Variants in DTNA observed in about 807,000 individuals in gnomAD.
The protein encoded by DTNA is dystrophin-related protein 3.
DTNA carries 43 observed loss-of-function variants against 100.7 expected under a neutral mutation model. That is an observed-to-expected ratio of 0.43 (90% confidence interval 0.33 to 0.55). The LOEUF is 0.55. DTNA is among the 20% of genes least tolerant of loss of function. The pLI, the probability that DTNA is intolerant of heterozygous loss-of-function variation, is 0.04. For synonymous variants in DTNA, 349 were observed against 347.9 expected (o/e 1.00, Z -0.04); for missense variants, 798 against 953.9 (o/e 0.84, Z 2.15).
At chr18:34,675,975 G>C (rs1163738042) in intron 1 of DTNA, among the ~76,000 whole-genome samples, 1 of 152,108 alleles carries the variant, frequency 6.6e-6, no homozygotes, top group African/African-American at 2.4e-5. Context: ...ATAAACAATA[G>C]AGAGTGAGTA....
chr18:34,829,291 G>C lies in DTNA; in HGVS notation c.1086-109G>C, dbSNP rs867687699. ...GAGATTGGCCTACGGTTTCTGTTTT[G>C]AGGGTGCTGTTCAATAAAGCTGTGT... On this transcript the variant is annotated intron_variant, in intron 10 of 22. Coordinates refer to ENST00000444659, the MANE Select transcript of DTNA (RefSeq NM_001386795.1). 7.9e-6 allele frequency: 12 copies of C among 1,521,016 alleles called. No individual in the cohort carries two copies. In the South Asian group the frequency reaches 1.3e-4, roughly 17 times the overall value. 94.2% of individuals were successfully genotyped at this position (1,521,016 alleles called of 1,614,324 possible). A position where few individuals can be genotyped will look rare whatever the true frequency, so the allele number is the denominator to read the frequency against.
intron 1 of DTNA, among the ~76,000 whole-genome samples, chr18:34,601,415 G>C (rs1301090142): frequency 6.6e-6 from 1 of 152,100 alleles, no homozygotes; most frequent in East Asian, 1.9e-4. Context: ...TTTCCATACT[G>C]GCCCTGTTTT....
chr18:34,539,997 C>T (rs2044093009), intron 1 of DTNA, among the ~76,000 whole-genome samples: 2 of 151,722 alleles, frequency 1.3e-5, no homozygotes, highest in Non-Finnish European at 2.9e-5. Flanking sequence ...TAATTAAACA[C>T]AATACTAAAC....
rs1453497165 is a variant in DTNA at position 34,848,403 on chromosome 18, G to T, written c.1434+20G>T. 2 of 1,612,914 alleles carry T rather than the reference G, an allele frequency of 1.2e-6. No homozygotes were observed. Among genetic ancestry groups the T allele is most frequent in the Non-Finnish European group, 1.7e-6 (2 of 1,179,188 alleles). ...TCGTCTGTAAGTAGTTGGAGTAAAA[G>T]GATTCGTCTGTTGGCATCTGGGATC... On this transcript the variant is annotated intron_variant, in intron 14 of 22. Coordinates refer to ENST00000444659, the MANE Select transcript of DTNA (RefSeq NM_001386795.1).
chr18:34,804,249 TACA>T lies in DTNA; in HGVS notation c.363-1963_363-1961del, dbSNP rs569085077. ...TGAACAGTTTGACCATGGTGTGCAG[TACA>T]ACAACAGAAATGGTAGCAGAGGAGA... On this transcript the variant is annotated intron_variant, in intron 4 of 22. Transcript: ENST00000444659. Among the ~76,000 whole-genome samples, 25 of 152,248 alleles carry T rather than the reference TACA, an allele frequency of 1.6e-4. 1 individual carries two copies. The South Asian group carries it at 4.6e-3, about 28-fold the overall frequency.
chr18:34,796,936 C>G (rs564335821), intron 4 of DTNA, among the ~76,000 whole-genome samples: 1 of 152,112 alleles, frequency 6.6e-6, no homozygotes, highest in Admixed American at 6.5e-5. Context: ...CATTCCCTCT[C>G]CCACCAAAAA....
At chr18:34,800,844 A>G (rs182625131) in intron 4 of DTNA, among the ~76,000 whole-genome samples, 131 of 152,296 alleles carry the variant, frequency 8.6e-4, no homozygotes, top group South Asian at 4.1e-4. Flanking sequence ...ATCAATATCT[A>G]TTTGTTGTTT....
At chr18:34,581,694 C>T (rs1437532934) in intron 1 of DTNA, among the ~76,000 whole-genome samples, 4 of 148,288 alleles carry the variant, frequency 2.7e-5, no homozygotes, top group Non-Finnish European at 5.9e-5. Flanking sequence ...GATCTCGGCT[C>T]ACTGCACCCT....
chr18:34,541,995 G>A (rs2044290081), intron 1 of DTNA, among the ~76,000 whole-genome samples: 1 of 152,068 alleles, frequency 6.6e-6, no homozygotes, highest in African/African-American at 2.4e-5. Context: ...GGAACAGGGA[G>A]ACTCCAGGGG....
chr18:34,786,694 A>T (rs2094522062), intron 3 of DTNA, among the ~76,000 whole-genome samples: 1 of 152,166 alleles, frequency 6.6e-6, no homozygotes, highest in Non-Finnish European at 1.5e-5. Flanking sequence ...ATAGCAGATC[A>T]ACAGATTATA....
Position 34,858,350 on chromosome 18 carries a change from A to T in DTNA, c.1598A>T (p.Glu533Val), listed in dbSNP as rs546897344. The T allele has an allele frequency of 6.2e-7, 1 of 1,614,200 alleles. No individual in the cohort carries two copies. Among genetic ancestry groups the T allele is most frequent in the South Asian group, 1.1e-5 (1 of 91,084 alleles). The change falls in exon 16 of 23, where the codon GAG becomes GTG. Residue 533 changes from glutamate to valine, a missense_variant. Transcript: ENST00000444659. ...EHEQASQPTP[E>V]KAQQNPTLLA... ...GAACAAGCTTCTCAGCCCACGCCAG[A>T]GAAGGCACAGCAAAACCCCACCCTG... is the stretch of plus-strand genomic sequence containing the variant.
At chr18:34,847,700 A>G (rs1368821408) in intron 13 of DTNA, among the ~76,000 whole-genome samples, 1 of 152,210 alleles carries the variant, frequency 6.6e-6, no homozygotes, top group Admixed American at 6.5e-5. Context: ...CAAACAGACC[A>G]AGAGAGCTAA....
At chr18:34,742,185 A>G (rs2090769682) in intron 1 of DTNA, among the ~76,000 whole-genome samples, 1 of 152,150 alleles carries the variant, frequency 6.6e-6, no homozygotes, top group Admixed American at 6.5e-5. Flanking sequence ...TGATCTTGTG[A>G]AAGTTTCTTA....
chr18:34,718,994 T>A (rs1445939066), intron 1 of DTNA, among the ~76,000 whole-genome samples: 1 of 152,170 alleles, frequency 6.6e-6, no homozygotes, highest in African/African-American at 2.4e-5. Flanking sequence ...TAACCCTTTT[T>A]TTTTGGAGAA....
rs577691577 is a variant in DTNA, at chr18:34,867,629, G to C, written c.1743+3567G>C. ...ATAACCTCCCTCCTCCTAGCAGAGA[G>C]AGAGGGCAATCATCCTGTCGTCATC... On this transcript the variant is annotated intron_variant, in intron 17 of 22. Coordinates refer to ENST00000444659, the MANE Select transcript of DTNA (RefSeq NM_001386795.1). The C allele has an allele frequency of 9.4e-4, 943 of 998,698 alleles. 2 individuals carry two copies. The highest frequency in any genetic ancestry group is 1.1e-3 in the Non-Finnish European group (926 of 838,958). The allele number at this position is 998,698 out of a possible 1,614,324, so 61.9% of individuals were successfully genotyped here.
chr18:34,802,567 C>T lies in DTNA; in HGVS notation c.363-3652C>T, dbSNP rs149628664. ...CTGTGTTAATGCCAGTGCCTTTTTT[C>T]ACAATGAAATAGGGACCCTGGTCCC... On this transcript the variant is annotated intron_variant, in intron 4 of 22. Coordinates refer to ENST00000444659, the MANE Select transcript of DTNA (RefSeq NM_001386795.1). Among the ~76,000 whole-genome samples the T allele has an allele frequency of 5.8e-3, 879 of 152,238 alleles. 4 individuals are homozygous for T. The highest frequency in any genetic ancestry group is 9.8e-3 in the Non-Finnish European group (664 of 68,004).
intron 6 of DTNA, among the ~76,000 whole-genome samples, chr18:34,813,310 T>A (rs894121318): frequency 1.1e-4 from 16 of 151,252 alleles, no homozygotes; most frequent in African/African-American, 3.6e-4. Context: ...CTACGAAAAA[T>A]TTTTAAAACA....
At chr18:34,589,512 G>A (rs956077284) in intron 1 of DTNA, among the ~76,000 whole-genome samples, 6 of 152,180 alleles carry the variant, frequency 3.9e-5, no homozygotes, top group African/African-American at 1.2e-4. Context: ...GGGAGGCTGA[G>A]GCAGGAGAAT....
chr18:34,560,698 G>A (rs893776647), intron 1 of DTNA, among the ~76,000 whole-genome samples: 5 of 152,168 alleles, frequency 3.3e-5, no homozygotes, highest in African/African-American at 9.7e-5. Flanking sequence ...TTGAGCTCAG[G>A]AATTGGAGAC....
Sources: allele counts gnomAD v4.1 joint callset (sites outside exome capture counted in the v4.1 genomes callset), GRCh38; gene constraint gnomAD v4.1.1; transcripts MANE v1.5; gene names NCBI Gene and HGNC (gene_info 2026-07-23, HGNC 2026-07-21).